The following DOCK4 variants were observed in gnomAD, a reference collection of about 807,000 sequenced individuals.
DOCK4 encodes the protein dedicator of cytokinesis protein 4.
In DOCK4, 97 loss-of-function variants were observed where a neutral mutation model predicts 268.1. The observed-to-expected ratio is 0.36, with a 90% CI of 0.31 to 0.43. The LOEUF (loss-of-function observed/expected upper bound fraction) is 0.43, where lower values mean the gene tolerates loss of function less well. Among genes scored for constraint, DOCK4 ranks in the 20% least tolerant of loss-of-function variants. The pLI is 1.00. For synonymous variants in DOCK4, 954 were observed against 887.2 expected (o/e 1.08, Z -1.34); for missense variants, 2,145 against 2,455.7 (o/e 0.87, Z 2.67).
At chr7:112,012,399 G>A (rs1356596415) in intron 1 of DOCK4, among the ~76,000 whole-genome samples, 2 of 152,070 alleles carry the variant, frequency 1.3e-5, no homozygotes, top group Non-Finnish European at 2.9e-5. Context: ...ACGGGGTTAA[G>A]AGGGATTTTC....
chr7:112,140,636 G>GA (rs1389192015), intron 1 of DOCK4, among the ~76,000 whole-genome samples: 1 of 146,978 alleles, frequency 6.8e-6, no homozygotes, highest in African/African-American at 2.5e-5. Context: ...ATACACATAA[G>GA]AAAAAATAAT....
chr7:112,004,570 T>C (rs143755229), intron 1 of DOCK4, among the ~76,000 whole-genome samples: 3 of 152,348 alleles, frequency 2.0e-5, no homozygotes, highest in East Asian at 1.9e-4. Flanking sequence ...TTTACCTTTC[T>C]GCTATATTGT....
chr7:111,728,521 G>A lies in DOCK4; in HGVS notation c.5681C>T (p.Pro1894Leu), dbSNP rs748150897. The A allele has an allele frequency of 2.5e-5, 41 of 1,613,286 alleles. No individual in the cohort carries two copies. The Admixed American group carries it at 6.0e-4, about 24-fold the overall frequency. Residue 1894 changes from proline to leucine, a missense_variant, in exon 53 of 53, where the codon CCG becomes CTG. Transcript: ENST00000428084. ...CACTGGCTCCTCCCCGCCGTAGCTC[G>A]GCACGGGCACCGGCACTGGCACCGG... ...PLPVPVPVPV[P>L]SYGGEEPVRK... is the part of the protein sequence containing the mutation.
intron 1 of DOCK4, among the ~76,000 whole-genome samples, chr7:112,112,433 G>C (rs1811750060): frequency 1.3e-5 from 2 of 152,078 alleles, no homozygotes; most frequent in Admixed American, 1.3e-4. Context: ...CACAAGGTCA[G>C]GAGTTCGAGA....
intron 23 of DOCK4, among the ~76,000 whole-genome samples, chr7:111,852,146 T>G (rs1239214748): frequency 6.6e-6 from 1 of 152,104 alleles, no homozygotes; most frequent in African/African-American, 2.4e-5. Context: ...GTATTTTTAG[T>G]AGAGACGGGG....
Position 111,726,816 on chromosome 7 carries a change from T to C in DOCK4, c.*1458A>G, listed in dbSNP as rs1272892773. On this transcript the variant is annotated 3_prime_UTR_variant, in exon 53 of 53. Coordinates refer to ENST00000428084, the MANE Select transcript of DOCK4 (RefSeq NM_001363540.2). ...GTATCTCTTATTAAAATTAACCAGTTATATACAAAAATACTTGAACATTTA... is the reference window on the plus strand; with the variant it reads ...GTATCTCTTATTAAAATTAACCAGTCATATACAAAAATACTTGAACATTTA... 1 of 152,612 alleles carries C rather than the reference T, an allele frequency of 6.6e-6. No homozygotes were observed. The highest frequency in any genetic ancestry group is 6.5e-5 in the Admixed American group (1 of 15,270). 9.5% of individuals were successfully genotyped at this position (152,612 alleles called of 1,614,324 possible).
Position 111,847,135 on chromosome 7 carries a change from A to G in DOCK4, c.2474-9T>C, listed in dbSNP as rs780789133. 26 of 1,613,426 alleles carry G rather than the reference A, an allele frequency of 1.6e-5. No individual in the cohort carries two copies. The highest frequency in any genetic ancestry group is 7.7e-5 in the South Asian group (7 of 91,058). ...AAGAATGTATCGGGAATCTGAAGAGAGAAGAGTCATTAGTGTCACATCTGT... is the reference window on the plus strand; with the variant it reads ...AAGAATGTATCGGGAATCTGAAGAGGGAAGAGTCATTAGTGTCACATCTGT... On this transcript the variant is annotated splice_polypyrimidine_tract_variant and intron_variant, in intron 23 of 52. Coordinates refer to ENST00000428084, the MANE Select transcript of DOCK4 (RefSeq NM_001363540.2).
chr7:111,740,116 T>C, intron 47 of DOCK4: 1 of 447,822 alleles, frequency 2.2e-6, no homozygotes, highest in South Asian at 1.6e-5. Context: ...TCTTTTTTCT[T>C]TGAGACACAG....
chr7:111,728,599 G>C lies in DOCK4; in HGVS notation c.5603C>G (p.Thr1868Arg). The change falls in exon 53 of 53, where the codon ACG becomes AGG. Residue 1868 changes from threonine to arginine, a missense_variant. This residue lies in a region of DOCK4 where 547 missense variants were observed against 469.0 expected (regional missense o/e 1.17). Transcript: ENST00000428084. ...ATTTTCAAAGCCTGAGGTTTCCGAC[G>C]TGCTGCACCGGCTGAGAGAAGAAAT... is the stretch of plus-strand genomic sequence containing the variant. ...SGISSLSRCS[T>R]SETSGFENQV... 6.2e-7 allele frequency: 1 copy of C among 1,614,016 alleles called. No individual in the cohort carries two copies. The highest frequency in any genetic ancestry group is 8.5e-7 in the Non-Finnish European group (1 of 1,179,892).
chr7:111,821,813 A>C (rs1802002209), intron 27 of DOCK4: 1 of 152,382 alleles, frequency 6.6e-6, no homozygotes, highest in African/African-American at 2.4e-5. Flanking sequence ...CCCAGTGTTG[A>C]GCAGATGCTT....
intron 1 of DOCK4, among the ~76,000 whole-genome samples, chr7:112,089,248 T>C (rs894755336): frequency 6.6e-6 from 1 of 152,132 alleles, no homozygotes; most frequent in African/African-American, 2.4e-5. Context: ...TAGAGATCCA[T>C]TACCTTTCCT....
At chr7:112,201,360 AT>A (rs1820919560) in intron 1 of DOCK4, among the ~76,000 whole-genome samples, 1 of 152,162 alleles carries the variant, frequency 6.6e-6, no homozygotes, top group Admixed American at 6.5e-5. Flanking sequence ...CACACAATTT[AT>A]TTTTTAAATG....
intron 8 of DOCK4, among the ~76,000 whole-genome samples, chr7:111,947,672 C>T (rs1158340993): frequency 6.6e-6 from 1 of 152,138 alleles, no homozygotes; most frequent in Non-Finnish European, 1.5e-5. Flanking sequence ...TGACTATAAG[C>T]TCTCTTCACA....
intron 36 of DOCK4, 134 bp downstream of exon 36, chr7:111,778,141 AT>A (rs1798568536): frequency 1.7e-6 from 1 of 588,306 alleles, no homozygotes; most frequent in Admixed American, 3.1e-5. Context: ...GCAGAAATAT[AT>A]ATCCAATTAA....
At chr7:112,146,497 T>G (rs1815507742) in intron 1 of DOCK4, among the ~76,000 whole-genome samples, 1 of 152,188 alleles carries the variant, frequency 6.6e-6, no homozygotes, top group Non-Finnish European at 1.5e-5. Flanking sequence ...TTTGGGAGGC[T>G]GAGGCAGGCA....
chr7:112,017,032 T>C (rs1801867557), intron 1 of DOCK4, among the ~76,000 whole-genome samples: 1 of 152,208 alleles, frequency 6.6e-6, no homozygotes, highest in South Asian at 2.1e-4. Context: ...TCAAACTCTC[T>C]AGCTTCACTG....
chr7:112,005,093 A>G (rs563889484), intron 1 of DOCK4, among the ~76,000 whole-genome samples: 2 of 152,332 alleles, frequency 1.3e-5, no homozygotes, highest in Admixed American at 1.3e-4. Flanking sequence ...TACTATGCAC[A>G]CTGAAATCAA....
In DOCK4 at chr7:112,012,830, T is replaced by C. The variant is rs185151460; in HGVS notation, c.38-8699A>G. Among the ~76,000 whole-genome samples the C allele has an allele frequency of 2.9e-3, 435 of 152,260 alleles. 3 individuals are homozygous for C. The highest frequency in any genetic ancestry group is 0.01 in the African/African-American group (418 of 41,556). On this transcript the variant is annotated intron_variant, in intron 1 of 52. Transcript: ENST00000428084. ...GAAAAGAAATGTTATATCCCTCTGT[T>C]CCTTTTTTTTTCTGATTTCTCTCTT...
intron 8 of DOCK4, among the ~76,000 whole-genome samples, chr7:111,951,658 A>AAG: frequency 6.6e-6 from 1 of 151,676 alleles, no homozygotes; most frequent in East Asian, 1.9e-4. Context: ...AAAAAAAAAA[A>AAG]AAAAAGAAGA....
Sources: allele counts gnomAD v4.1 joint callset (sites outside exome capture counted in the v4.1 genomes callset), GRCh38; gene constraint gnomAD v4.1.1; regional missense constraint gnomAD v4.1.1; transcripts MANE v1.5; gene names NCBI Gene and HGNC (gene_info 2026-07-23, HGNC 2026-07-21).